Variants in PCDHA13 observed in about 807,000 individuals in gnomAD.
The protein encoded by PCDHA13 is protocadherin alpha 13.
PCDHA13 carries 54 observed loss-of-function variants against 64.8 expected under a neutral mutation model. That is an observed-to-expected ratio of 0.83 (90% CI 0.67 to 1.04). PCDHA13 has a LOEUF of 1.04. PCDHA13 is among the 50% of genes least tolerant of loss of function. The probability of loss-of-function intolerance (pLI) is 0.00; values close to 1 mark genes in which losing one functional copy is unlikely to be tolerated. For missense variants in PCDHA13, 1,248 were observed against 1,254.3 expected, an observed-to-expected ratio of 0.99 and a Z score of 0.08; for synonymous variants, 587 against 564.4, an observed-to-expected ratio of 1.04 and a Z score of -0.57.
chr5:140,900,534 T>C (rs1583392378), intron 1 of PCDHA13, among the ~76,000 whole-genome samples: 1 of 152,202 alleles, frequency 6.6e-6, no homozygotes, highest in Admixed American at 6.5e-5. Context: ...ACCTCGGCTT[T>C]CCAAAGTGCT....
intron 1 of PCDHA13, among the ~76,000 whole-genome samples, chr5:140,947,190 C>T (rs1292127049): frequency 6.6e-6 from 1 of 151,120 alleles, no homozygotes; most frequent in Non-Finnish European, 1.5e-5. Flanking sequence ...TGGTATACTA[C>T]ACAGCCTTAA....
chr5:140,912,532 G>T (rs1554195398), intron 1 of PCDHA13, among the ~76,000 whole-genome samples: 1 of 152,092 alleles, frequency 6.6e-6, no homozygotes, highest in African/African-American at 2.4e-5. Flanking sequence ...CAGAGTACAT[G>T]ATCATATTGT....
Position 140,918,450 on chromosome 5 carries a change from G to A in PCDHA13, c.2394+33788G>A, listed in dbSNP as rs7725108. On this transcript the variant is annotated intron_variant, in intron 1 of 3. Transcript: ENST00000289272. ...TGTTGAATAGGAGTGGTGACAGTGGGCATCCTTGTCTTATTCCAAGTCTCA... is the reference window on the plus strand; with the variant it reads ...TGTTGAATAGGAGTGGTGACAGTGGACATCCTTGTCTTATTCCAAGTCTCA... Among the ~76,000 whole-genome samples, 323 of 152,246 alleles carry A rather than the reference G, an allele frequency of 2.1e-3. 2 individuals carry two copies. The highest frequency in any genetic ancestry group is 7.4e-3 in the African/African-American group (306 of 41,540).
rs78257345 is a variant in PCDHA13 at position 140,892,116 on chromosome 5, T to C, written c.2394+7454T>C. Among the ~76,000 whole-genome samples the C allele has an allele frequency of 8.0e-3, 1,216 of 152,346 alleles. 6 individuals are homozygous for C. The highest frequency in any genetic ancestry group is 0.019 in the African/African-American group (786 of 41,576). On this transcript the variant is annotated intron_variant, in intron 1 of 3. Transcript: ENST00000289272. ...AACTTTCAAGCTTGGCATTTATATCTGGAACACAATAAGCTCATGGTTTTA... is the reference window on the plus strand; with the variant it reads ...AACTTTCAAGCTTGGCATTTATATCCGGAACACAATAAGCTCATGGTTTTA...
At chr5:140,967,047 T>C in intron 1 of PCDHA13, 5 of 1,612,444 alleles carry the variant, frequency 3.1e-6, no homozygotes, top group Non-Finnish European at 4.2e-6. Flanking sequence ...GAGCTGGACC[T>C]GACGAGTGGA....
At chr5:141,001,476 G>A (rs1554258187) in intron 3 of PCDHA13, among the ~76,000 whole-genome samples, 1 of 152,226 alleles carries the variant, frequency 6.6e-6, no homozygotes, top group Admixed American at 6.5e-5. Flanking sequence ...CAGCAGCGGG[G>A]AAGTGCTGGA....
At chr5:141,000,757 C>A (rs1236279352) in intron 3 of PCDHA13, among the ~76,000 whole-genome samples, 1 of 151,158 alleles carries the variant, frequency 6.6e-6, no homozygotes, top group Non-Finnish European at 1.5e-5. Flanking sequence ...AAAAAAAAAT[C>A]TTAGCCAGGC....
chr5:140,906,629 C>T (rs1554192599), intron 1 of PCDHA13, among the ~76,000 whole-genome samples: 1 of 152,222 alleles, frequency 6.6e-6, no homozygotes, highest in Non-Finnish European at 1.5e-5. Context: ...CTTCAGCAAG[C>T]ACCTCAGCAG....
chr5:140,982,288 T>G, intron 2 of PCDHA13, 187 bp from the exon 3 acceptor site: 1 of 1,088,080 alleles, frequency 9.2e-7, no homozygotes, highest in Admixed American at 2.9e-5. Context: ...AGGCAATAAG[T>G]AAGTCAGCAA....
Position 140,967,085 on chromosome 5 carries a change from C to A in PCDHA13, c.2395-11864C>A, listed in dbSNP as rs155809. On this transcript the variant is annotated intron_variant, in intron 1 of 3. Coordinates refer to ENST00000289272, the MANE Select transcript of PCDHA13 (RefSeq NM_018904.3). ...GCTCTTCGTCAACGAGCGCATTGAT[C>A]GGGAGGCGCTGTGTGAGCAGCGGCC... The A allele has an allele frequency of 3.0e-3, 4,870 of 1,613,198 alleles. 112 individuals are homozygous for A. The African/African-American group carries it at 0.056, about 18-fold the overall frequency.
chr5:140,934,688 A>G (rs1554210048), intron 1 of PCDHA13, among the ~76,000 whole-genome samples: 2 of 152,186 alleles, frequency 1.3e-5, no homozygotes, highest in African/African-American at 4.8e-5. Flanking sequence ...CAAAACAATG[A>G]ATTGATTCCT....
chr5:140,927,813 G>A, intron 1 of PCDHA13: 1 of 1,614,176 alleles, frequency 6.2e-7, no homozygotes, highest in Non-Finnish European at 8.5e-7. Context: ...CGCTCTTGGA[G>A]GCATACATTG....
chr5:140,966,953 C>A, intron 1 of PCDHA13: 1 of 1,603,802 alleles, frequency 6.2e-7, no homozygotes. Flanking sequence ...CAACGTGGCT[C>A]GCGCGCTGGG....
intron 3 of PCDHA13, among the ~76,000 whole-genome samples, chr5:140,991,132 TAA>T (rs1345264253): frequency 2.0e-5 from 3 of 152,230 alleles, no homozygotes; most frequent in Non-Finnish European, 4.4e-5. Flanking sequence ...ACACAGCTAG[TAA>T]AAATGTTTTT....
intron 1 of PCDHA13, among the ~76,000 whole-genome samples, chr5:140,922,406 G>C (rs1411149387): frequency 9.8e-5 from 15 of 152,288 alleles, no homozygotes; most frequent in African/African-American, 3.6e-4. Flanking sequence ...GGATTAAAAA[G>C]ATCTAGGTAC....
intron 1 of PCDHA13, among the ~76,000 whole-genome samples, chr5:140,905,031 T>G (rs2071545933): frequency 6.6e-6 from 1 of 152,228 alleles, no homozygotes. Flanking sequence ...GCAGAAGCTT[T>G]TTAGTTTAAT....
At position 140,928,355 on chromosome 5, in the gene PCDHA13, T is replaced by C. The variant is rs368876306; in HGVS notation, c.2394+43693T>C. On this transcript the variant is annotated intron_variant, in intron 1 of 3. Coordinates refer to ENST00000289272, the MANE Select transcript of PCDHA13 (RefSeq NM_018904.3). ...GTCTCTTATGAGCTGTTGGATGTTA[T>C]CTCTGAAGGGCCATCAGCCTCTAGC... 8.1e-6 allele frequency: 13 copies of C among 1,614,062 alleles called. No individual in the cohort carries two copies. The African/African-American group carries it at 1.6e-4, about 20-fold the overall frequency.
chr5:140,983,118 A>G (rs1251873984), intron 3 of PCDHA13, among the ~76,000 whole-genome samples: 1 of 152,220 alleles, frequency 6.6e-6, no homozygotes, highest in African/African-American at 2.4e-5. Flanking sequence ...CATCAACAAC[A>G]TTCTGCAGAC....
At chr5:140,910,837 A>G (rs1217601068) in intron 1 of PCDHA13, among the ~76,000 whole-genome samples, 1 of 152,188 alleles carries the variant, frequency 6.6e-6, no homozygotes, top group Non-Finnish European at 1.5e-5. Context: ...GCCTGATCCA[A>G]TGCCTTGGAT....
Sources: gnomAD v4.1 joint callset for allele counts (sites outside exome capture counted in the v4.1 genomes callset) on GRCh38, gnomAD v4.1.1 for gene constraint, MANE v1.5 for transcripts, NCBI Gene and HGNC (gene_info 2026-07-23, HGNC 2026-07-21) for gene names.